Variants in MASTL observed in about 807,000 individuals in gnomAD.
MASTL encodes the protein serine/threonine-protein kinase greatwall.
A neutral mutation model predicts 82.5 loss-of-function variants in MASTL; 54 were observed. The ratio of observed to expected loss-of-function variants is 0.65; its 90% confidence interval spans 0.53 to 0.82. The LOEUF is 0.82. Among genes scored for constraint, MASTL ranks in the 40% least tolerant of loss-of-function variants. The pLI, the probability that MASTL is intolerant of heterozygous loss-of-function variation, is 0.00. For missense variants in MASTL, 950 were observed against 1,047.8 expected (o/e 0.91, Z 1.29); for synonymous variants, 323 against 368.9 (o/e 0.88, Z 1.43).
chr10:27,155,372 G>GAGTGGCTGCTCGCGGAGGGGC lies in MASTL; in HGVS notation c.-50_-30dup, dbSNP rs1377004007. On this transcript the variant is annotated 5_prime_UTR_variant, in exon 1 of 12. Transcript: ENST00000375940. ...GCCTCACTTTGAACCCAGTTGGCGG[G>GAGTGGCTGCTCGCGGAGGGGC]AGTGGCTGCTCGCGGAGGGGCAGTG... 251 of 1,525,050 alleles carry GAGTGGCTGCTCGCGGAGGGGC rather than the reference G, an allele frequency of 1.6e-4. 1 individual carries two copies. The South Asian group carries it at 2.5e-3, about 15-fold the overall frequency. The allele number at this position is 1,525,050 out of a possible 1,614,324, so 94.5% of individuals were successfully genotyped here.
chr10:27,174,675 A>AGTTCTCCCTCTTTCTGTGATGGT (rs1341584795), intron 9 of MASTL, among the ~76,000 whole-genome samples: 5 of 152,056 alleles, frequency 3.3e-5, no homozygotes, highest in African/African-American at 1.2e-4. Context: ...GCCTCATTCC[A>AGTTCTCCCTCTTTCTGTGATGGT]GTTCTCCCTC....
At chr10:27,175,417 G>A (rs978687832) in intron 9 of MASTL, among the ~76,000 whole-genome samples, 7 of 151,930 alleles carry the variant, frequency 4.6e-5, no homozygotes, top group African/African-American at 1.4e-4. Context: ...CCCGACCTCA[G>A]GTGATCTGCC....
intron 4 of MASTL, among the ~76,000 whole-genome samples, chr10:27,162,652 G>C (rs1422921937): frequency 6.6e-6 from 1 of 151,918 alleles, no homozygotes; most frequent in Non-Finnish European, 1.5e-5. Flanking sequence ...CTGGGGGACA[G>C]AGCGATACTC....
intron 1 of MASTL, among the ~76,000 whole-genome samples, chr10:27,158,221 CTG>C (rs1312669393): frequency 2.6e-5 from 4 of 152,172 alleles, no homozygotes; most frequent in African/African-American, 9.7e-5. Context: ...TGAGATCACT[CTG>C]TAATTTAAAA....
intron 11 of MASTL, among the ~76,000 whole-genome samples, chr10:27,185,545 A>C (rs2058654501): frequency 6.6e-6 from 1 of 150,432 alleles, no homozygotes; most frequent in Non-Finnish European, 1.5e-5. Flanking sequence ...AGGTGGGAGA[A>C]TCGCTTGAAC....
At chr10:27,168,014 A>G (rs1185541658) in intron 7 of MASTL, among the ~76,000 whole-genome samples, 1 of 152,248 alleles carries the variant, frequency 6.6e-6, no homozygotes, top group Non-Finnish European at 1.5e-5. Flanking sequence ...ATTTAAAATC[A>G]TAATAAGGTT....
intron 8 of MASTL, among the ~76,000 whole-genome samples, chr10:27,172,251 G>A (rs528407267): frequency 3.9e-5 from 6 of 152,054 alleles, no homozygotes; most frequent in South Asian, 4.2e-4. Context: ...TTTATGTTTC[G>A]AAACTTGAGT....
chr10:27,186,506 G>A lies in MASTL; in HGVS notation c.2610G>A (p.Gln870=). The change falls in exon 12 of 12, where the codon CAG becomes CAA. Residue 870 remains glutamine (Q), a synonymous_variant. Coordinates refer to ENST00000375940, the MANE Select transcript of MASTL (RefSeq NM_001172303.3). ...ATTTTGAAGCCAGGAATACTGCTCA[G>A]CACCTGACTGTATCTGGATTTAGTC... is the stretch of plus-strand genomic sequence containing the variant. ...TSYFEARNTA[Q]HLTVSGFSL The A allele has an allele frequency of 1.2e-6, 2 of 1,614,022 alleles. No homozygotes were observed. Among genetic ancestry groups the A allele is most frequent in the Non-Finnish European group, 1.7e-6 (2 of 1,179,974 alleles).
At chr10:27,180,211 C>T (rs558200924) in intron 9 of MASTL, among the ~76,000 whole-genome samples, 89 of 152,192 alleles carry the variant, frequency 5.8e-4, no homozygotes, top group African/African-American at 2.1e-3. Context: ...ATTTATTAGA[C>T]GAAGTAGGAA....
chr10:27,186,889 C>T lies in MASTL; in HGVS notation c.*353C>T, dbSNP rs2058792619. The T allele has an allele frequency of 1.1e-5, 3 of 272,912 alleles. No homozygotes were observed. In the South Asian group the frequency reaches 1.3e-4, roughly 12 times the overall value. The allele number at this position is 272,912 out of a possible 1,614,324, so 16.9% of individuals were successfully genotyped here. The stretch of plus-strand genomic sequence containing the variant: ...GATTTCAGTTCACTGTTCAGTTTAG[C>T]ATTAAAATAATAAAATAATCATACA... On this transcript the variant is annotated 3_prime_UTR_variant, in exon 12 of 12. Transcript: ENST00000375940.
rs3802526 is a variant in MASTL, at chr10:27,170,817, C to T, written c.1858C>T (p.Pro620Ser). 6.2e-7 allele frequency: 1 copy of T among 1,614,020 alleles called. No individual in the cohort carries two copies. The highest frequency in any genetic ancestry group is 8.5e-7 in the Non-Finnish European group (1 of 1,179,978). The change falls in exon 8 of 12, where the codon CCA becomes TCA. Residue 620 changes from proline (P) to serine (S), a missense_variant. Physicochemically the swap from Pro to Ser is moderately conservative, Grantham distance 74. Transcript: ENST00000375940. ...VTPDCQEKTS[P>S]KGVENPAVQE... ...ACCAGATTGCCAAGAAAAGACCTCA[C>T]CAAAAGGTGTCGAGAACCCTGCTGT...
intron 4 of MASTL, 40 bp from the exon 5 acceptor site, chr10:27,165,024 G>C (rs751156750): frequency 1.6e-6 from 2 of 1,267,576 alleles, no homozygotes; most frequent in Non-Finnish European, 1.2e-6. Context: ...GGGAGGTAAA[G>C]GTTTTAAATA....
At chr10:27,182,526 G>A (rs575144184) in intron 11 of MASTL, among the ~76,000 whole-genome samples, 39 of 152,064 alleles carry the variant, frequency 2.6e-4, no homozygotes, top group African/African-American at 8.4e-4. Flanking sequence ...GCTGGCAATC[G>A]TTTGAGCTCA....
chr10:27,155,593 G>A lies in MASTL; in HGVS notation c.167G>A (p.Gly56Asp). ...AAAGTGTATCTGGGGCAGAAAGGCG[G>A]CAAATTGTATGCAGTAAAGGTAGGA... Reference protein sequence around the residue: ...FGKVYLGQKGGKLYAVKVVKK... With the variant: ...FGKVYLGQKGDKLYAVKVVKK... Residue 56 changes from glycine (G) to aspartate (D), a missense_variant, in exon 1 of 12, where the codon GGC becomes GAC. Coordinates refer to ENST00000375940, the MANE Select transcript of MASTL (RefSeq NM_001172303.3). 4 of 1,614,202 alleles carry A rather than the reference G, an allele frequency of 2.5e-6. No individual in the cohort carries two copies. The highest frequency in any genetic ancestry group is 3.4e-6 in the Non-Finnish European group (4 of 1,180,018).
chr10:27,185,811 C>T (rs534084730), intron 11 of MASTL, among the ~76,000 whole-genome samples: 2 of 150,428 alleles, frequency 1.3e-5, no homozygotes, highest in African/African-American at 2.4e-5. Flanking sequence ...ATGTGAGTGC[C>T]GGGCATGGTG....
Position 27,158,674 on chromosome 10 carries a change from CAA to C in MASTL, c.313_314del (p.Asn105CysfsTer24). 6.2e-7 allele frequency: 1 copy of C among 1,614,034 alleles called. No homozygotes were observed. The highest frequency in any genetic ancestry group is 8.5e-7 in the Non-Finnish European group (1 of 1,179,880). Reference sequence around the variant, plus strand: ...TGTATTATTCACTGCAGTCTGCAAACAATGTCTACTTGGTGAGTAAATAATTT... The same window carrying C: ...TGTATTATTCACTGCAGTCTGCAAACTGTCTACTTGGTGAGTAAATAATTT... The part of the protein sequence containing the change: ...HLYYSLQSAN[N>X]VYLVMEYLIG... On this transcript the variant is annotated frameshift_variant, in exon 2 of 12. Coordinates refer to ENST00000375940, the MANE Select transcript of MASTL (RefSeq NM_001172303.3). LOFTEE classifies it high-confidence loss of function.
At position 27,167,251 on chromosome 10, in the gene MASTL, C is replaced by T. The variant is rs2136038743; in HGVS notation, c.961C>T (p.Pro321Ser). 1 of 1,613,974 alleles carries T rather than the reference C, an allele frequency of 6.2e-7. No individual in the cohort carries two copies. Among genetic ancestry groups the T allele is most frequent in the East Asian group, 2.2e-5 (1 of 44,876 alleles). The change falls in exon 7 of 12, where the codon CCC (proline) becomes TCC (serine). Residue 321 changes from proline (P) to serine (S), a missense_variant. Coordinates refer to ENST00000375940, the MANE Select transcript of MASTL (RefSeq NM_001172303.3). ...TGTGGAATCAGAATGCCACAGCAGT[C>T]CCAAATGGGAAAAAGATTGCCAGGT... ...SSVESECHSSPKWEKDCQESD... is the reference protein window; with the variant it reads ...SSVESECHSSSKWEKDCQESD...
chr10:27,177,619 AATTGTCTGT>A (rs1480710920), intron 9 of MASTL, among the ~76,000 whole-genome samples: 1 of 152,124 alleles, frequency 6.6e-6, no homozygotes, highest in African/African-American at 2.4e-5. Context: ...AGTGTGTTAA[AATTGTCTGT>A]ATTGTCTCTT....
rs377426661 is a variant in MASTL at position 27,187,751 on chromosome 10, C to A, written c.*1215C>A. 3.2e-3 allele frequency among the ~76,000 whole-genome samples: 447 copies of A among 139,036 alleles called. No individual in the cohort carries two copies. Among genetic ancestry groups the A allele is most frequent in the Non-Finnish European group, 3.7e-3 (236 of 63,810 alleles). The allele number at this position is 139,036 out of a possible 152,430, so 91.2% of individuals were successfully genotyped here. The stretch of plus-strand genomic sequence containing the variant: ...TGGGCAACAGAATGAGACTCAGTCT[C>A]AAAAAAAAAAAAAATACTACTGGAA... On this transcript the variant is annotated 3_prime_UTR_variant, in exon 12 of 12. Coordinates refer to ENST00000375940, the MANE Select transcript of MASTL (RefSeq NM_001172303.3).
Sources: gnomAD v4.1 joint callset for allele counts (sites outside exome capture counted in the v4.1 genomes callset) on GRCh38, gnomAD v4.1.1 for gene constraint, MANE v1.5 for transcripts, NCBI Gene and HGNC (gene_info 2026-07-23, HGNC 2026-07-21) for gene names.